KLHL7: variants seen among roughly 807,000 people sequenced by gnomAD.
The protein encoded by KLHL7 is kelch like family member 7.
Under a neutral mutation model 67.4 loss-of-function variants are expected in KLHL7, and 44 were observed. The observed-to-expected ratio is 0.65, with a 90% CI of 0.51 to 0.84. KLHL7 has a LOEUF of 0.84. Among genes scored for constraint, KLHL7 ranks in the 40% least tolerant of loss-of-function variants. The pLI, the probability that KLHL7 is intolerant of heterozygous loss-of-function variation, is 0.00. For synonymous variants in KLHL7, 252 were observed against 243.3 expected, an observed-to-expected ratio of 1.04 and a Z score of -0.33; for missense variants, 362 against 718.1, an observed-to-expected ratio of 0.50 and a Z score of 5.67.
chr7:23,173,444 C>T (rs1490179632), intron 10 of KLHL7, among the ~76,000 whole-genome samples: 1 of 152,192 alleles, frequency 6.6e-6, no homozygotes, highest in Non-Finnish European at 1.5e-5. Flanking sequence ...TATTTTTAAA[C>T]ATTGCATGAA....
chr7:23,118,527 A>T (rs1015564257), intron 1 of KLHL7, among the ~76,000 whole-genome samples: 2 of 152,132 alleles, frequency 1.3e-5, no homozygotes, highest in Admixed American at 6.5e-5. Flanking sequence ...ATGAGCCAGA[A>T]TGCCTGGCTA....
At chr7:23,163,190 G>A (rs186445503) in intron 7 of KLHL7, among the ~76,000 whole-genome samples, 75 of 151,954 alleles carry the variant, frequency 4.9e-4, no homozygotes, top group Middle Eastern at 3.4e-3. Flanking sequence ...CTCGTTTGGA[G>A]ACGGAGTTTC....
intron 1 of KLHL7, among the ~76,000 whole-genome samples, chr7:23,115,551 GT>G (rs376870991): frequency 6.1e-5 from 9 of 146,748 alleles, no homozygotes; most frequent in Non-Finnish European, 1.1e-4. Flanking sequence ...TTTTTTGTTT[GT>G]TTTTTTTTTG....
chr7:23,140,573 A>G (rs1784144224), intron 4 of KLHL7, 196 bp from the exon 5 acceptor site: 2 of 630,570 alleles, frequency 3.2e-6, no homozygotes, highest in South Asian at 1.6e-5. Context: ...CAAAAAAACA[A>G]AAAACAAAAA....
At position 23,134,752 on chromosome 7, in the gene KLHL7, G is replaced by A. The variant is rs115000220; in HGVS notation, c.443-6017G>A. 9.9e-3 allele frequency among the ~76,000 whole-genome samples: 1,509 copies of A among 152,042 alleles called. 22 individuals carry two copies. The highest frequency in any genetic ancestry group is 0.035 in the African/African-American group (1,436 of 41,470). On this transcript the variant is annotated intron_variant, in intron 4 of 10. Transcript: ENST00000339077. ...TATAGGCATATATTAATAGTTGCTC[G>A]TAGTAACTGTTACTGATCCTTTGAA...
chr7:23,152,491 A>G (rs1172989816), intron 7 of KLHL7, among the ~76,000 whole-genome samples: 9 of 124,884 alleles, frequency 7.2e-5, no homozygotes, highest in Non-Finnish European at 1.6e-5. Flanking sequence ...AGCTCCTTGC[A>G]TTCATTACAG....
intron 7 of KLHL7, among the ~76,000 whole-genome samples, chr7:23,161,924 A>G (rs1784864447): frequency 6.6e-6 from 1 of 152,228 alleles, no homozygotes; most frequent in Admixed American, 6.5e-5. Context: ...CATTTTCACA[A>G]CAGCTGTGCT....
At chr7:23,124,914 C>A in intron 3 of KLHL7, 133 bp downstream of exon 3, 1 of 1,059,150 alleles carries the variant, frequency 9.4e-7, no homozygotes, top group Non-Finnish European at 1.4e-6. Context: ...TTTCAGTATC[C>A]TATGCCATAC....
chr7:23,152,078 T>C lies in KLHL7; in HGVS notation c.805T>C (p.Tyr269His). ...CLKMVISGMR[Y>H]HLLSPEDREE... ...GTATTTTACTACAGGTGGAATGAGGTACCATCTACTGTCTCCAGAGGACCG... is the reference window on the plus strand; with the variant it reads ...GTATTTTACTACAGGTGGAATGAGGCACCATCTACTGTCTCCAGAGGACCG... Residue 269 changes from tyrosine (Y) to histidine (H), a missense_variant, in exon 7 of 11, where the codon TAC becomes CAC. Physicochemically the swap from Tyr to His is moderately conservative, Grantham distance 83 (BLOSUM62 2). Transcript: ENST00000339077. 6.2e-7 allele frequency: 1 copy of C among 1,613,914 alleles called. No individual in the cohort carries two copies.
At chr7:23,121,849 A>AT (rs1395819546) in intron 1 of KLHL7, among the ~76,000 whole-genome samples, 2 of 151,568 alleles carry the variant, frequency 1.3e-5, no homozygotes, top group African/African-American at 2.4e-5. Flanking sequence ...CACCTGGCTA[A>AT]TTTTTTGTAT....
intron 9 of KLHL7, among the ~76,000 whole-genome samples, chr7:23,168,322 A>G (rs1785061438): frequency 6.6e-6 from 1 of 152,148 alleles, no homozygotes; most frequent in Non-Finnish European, 1.5e-5. Flanking sequence ...CAACTCATAA[A>G]ATGTTTTTGT....
At chr7:23,150,267 C>G (rs1472313440) in intron 6 of KLHL7, among the ~76,000 whole-genome samples, 1 of 152,060 alleles carries the variant, frequency 6.6e-6, no homozygotes, top group Non-Finnish European at 1.5e-5. Flanking sequence ...CCCTGATACC[C>G]CTTTTCCCTA....
At position 23,105,998 on chromosome 7, in the gene KLHL7, GC is replaced by G; in HGVS notation, c.-25del. The G allele has an allele frequency of 6.2e-7, 1 of 1,604,968 alleles. No individual in the cohort carries two copies. Among genetic ancestry groups the G allele is most frequent in the Admixed American group, 1.7e-5 (1 of 58,766 alleles). On this transcript the variant is annotated 5_prime_UTR_variant, in exon 1 of 11. Coordinates refer to ENST00000339077, the MANE Select transcript of KLHL7 (RefSeq NM_001031710.3). The stretch of plus-strand genomic sequence containing the variant: ...TGCGACCCCTCGCCCGGCCCGGCGA[GC>G]CCCGGGCGTGAACCGAGCTGAGGGA...
At chr7:23,108,115 C>G (rs564317845) in intron 1 of KLHL7, among the ~76,000 whole-genome samples, 47 of 152,300 alleles carry the variant, frequency 3.1e-4, no homozygotes, top group African/African-American at 1.1e-3. Context: ...AATCTCATTG[C>G]TTTAAGGATC....
chr7:23,137,149 G>A (rs966988644), intron 4 of KLHL7, among the ~76,000 whole-genome samples: 9 of 152,162 alleles, frequency 5.9e-5, no homozygotes, highest in African/African-American at 2.2e-4. Flanking sequence ...GCCAGGCATG[G>A]TGGTGTGTGC....
chr7:23,106,572 A>G, intron 1 of KLHL7: 1 of 1,049,122 alleles, frequency 9.5e-7, no homozygotes, highest in Non-Finnish European at 1.2e-6. Context: ...CTGGCCTGAC[A>G]TCAGCTGCTC....
intron 4 of KLHL7, among the ~76,000 whole-genome samples, chr7:23,136,287 G>T: frequency 6.6e-6 from 1 of 152,332 alleles, no homozygotes; most frequent in East Asian, 1.9e-4. Context: ...TATCCCTTCT[G>T]AGAAAAGTAT....
In KLHL7 at chr7:23,106,845, G is replaced by C. The variant is rs80121613; in HGVS notation, c.120+699G>C. On this transcript the variant is annotated intron_variant, in intron 1 of 10. Coordinates refer to ENST00000339077, the MANE Select transcript of KLHL7 (RefSeq NM_001031710.3). The stretch of plus-strand genomic sequence containing the variant: ...AACGCTGGCGAAGGTGAAACAAAGA[G>C]GCTTTTTTTTTTTTTAATTCCATAA... 4.1e-3 allele frequency: 4,041 copies of C among 980,222 alleles called. 122 individuals are homozygous for C. The African/African-American group carries it at 0.067, about 16-fold the overall frequency. The allele number at this position is 980,222 out of a possible 1,614,324, so 60.7% of individuals were successfully genotyped here. A position where few individuals can be genotyped will look rare whatever the true frequency, so the allele number is the denominator to read the frequency against.
At chr7:23,117,416 T>C (rs1783138259) in intron 1 of KLHL7, among the ~76,000 whole-genome samples, 1 of 151,590 alleles carries the variant, frequency 6.6e-6, no homozygotes, top group Admixed American at 6.6e-5. Context: ...TCTCTTCTTC[T>C]ATTCCTGTTT....
Sources: gnomAD v4.1 joint callset for allele counts (sites outside exome capture counted in the v4.1 genomes callset) on GRCh38, gnomAD v4.1.1 for gene constraint, MANE v1.5 for transcripts, NCBI Gene and HGNC (gene_info 2026-07-23, HGNC 2026-07-21) for gene names.